Variants in ABCA1 observed in about 807,000 individuals in gnomAD.
ABCA1 encodes phospholipid-transporting ATPase ABCA1.
Under a neutral mutation model 262.5 loss-of-function variants are expected in ABCA1, and 133 were observed. The observed-to-expected ratio is 0.51, with a 90% CI of 0.44 to 0.59. The LOEUF is 0.59. ABCA1 is among the 20% of genes least tolerant of loss of function. The pLI, the probability that ABCA1 is intolerant of heterozygous loss-of-function variation, is 0.00. For synonymous variants in ABCA1, 1,022 were observed against 1,043.5 expected (o/e 0.98, Z 0.40); for missense variants, 2,452 against 2,777.5 (o/e 0.88, Z 2.63).
intron 15 of ABCA1, among the ~76,000 whole-genome samples, chr9:104,828,183 A>G (rs896471186): frequency 5.3e-5 from 8 of 152,076 alleles, no homozygotes; most frequent in African/African-American, 1.4e-4. Flanking sequence ...GGCATCAGCA[A>G]CTCTGGGTTT....
Position 104,785,557 on chromosome 9 carries a change from C to T in ABCA1, c.6484G>A (p.Ala2162Thr), listed in dbSNP as rs1272845813. 6.2e-7 allele frequency: 1 copy of T among 1,613,994 alleles called. No homozygotes were observed. The highest frequency in any genetic ancestry group is 1.3e-5 in the African/African-American group (1 of 74,918). ...TCTTTTAGAACACTTCCAGGAAATG[C>T]AAGTCCAAAGAAATCCTGGACAGGC... is the stretch of plus-strand genomic sequence containing the variant. ...LKPVQDFFGL[A>T]FPGSVLKEKH... The change falls in exon 49 of 50, where the codon GCA becomes ACA. Residue 2162 changes from alanine (A) to threonine (T), a missense_variant. Transcript: ENST00000374736.
intron 27 of ABCA1, among the ~76,000 whole-genome samples, chr9:104,812,958 G>A (rs898762786): frequency 5.3e-5 from 8 of 152,288 alleles, no homozygotes; most frequent in African/African-American, 1.9e-4. Flanking sequence ...AGAAAAGAAA[G>A]GTGTCTTGAG....
chr9:104,860,755 C>CTTTTTTTT (rs762423202), intron 6 of ABCA1, among the ~76,000 whole-genome samples: 7 of 115,836 alleles, frequency 6.0e-5, no homozygotes, highest in African/African-American at 1.4e-4. Flanking sequence ...TTATAAAATT[C>CTTTTTTTT]TTTTTTTTTT....
chr9:104,827,656 C>T (rs975824484), intron 15 of ABCA1, among the ~76,000 whole-genome samples: 11 of 152,188 alleles, frequency 7.2e-5, no homozygotes, highest in African/African-American at 2.2e-4. Flanking sequence ...AGCCTATCTC[C>T]GGCTGATGGG....
Position 104,806,238 on chromosome 9 carries a change from C to G in ABCA1, c.4464+3G>C, listed in dbSNP as rs555560068. The G allele has an allele frequency of 1.4e-5, 23 of 1,612,648 alleles. No individual in the cohort carries two copies. The South Asian group carries it at 2.4e-4, about 17-fold the overall frequency. On this transcript the variant is annotated splice_donor_region_variant and intron_variant, in intron 31 of 49. Coordinates refer to ENST00000374736, the MANE Select transcript of ABCA1 (RefSeq NM_005502.4). ...GCCCAATCACCCCCTGAAAGTGACTCACTTGTGGAGGAGGCAGCCCCCCTG... is the reference window on the plus strand; with the variant it reads ...GCCCAATCACCCCCTGAAAGTGACTGACTTGTGGAGGAGGCAGCCCCCCTG...
At chr9:104,799,210 A>G (rs1413353878) in intron 36 of ABCA1, among the ~76,000 whole-genome samples, 1 of 152,174 alleles carries the variant, frequency 6.6e-6, no homozygotes, top group Non-Finnish European at 1.5e-5. Flanking sequence ...CATGCTCCAC[A>G]TACAGGAAAG....
At chr9:104,913,771 A>C (rs1341743306) in intron 1 of ABCA1, among the ~76,000 whole-genome samples, 1 of 150,284 alleles carries the variant, frequency 6.7e-6, no homozygotes, top group African/African-American at 2.4e-5. Context: ...CCACCTCCCT[A>C]CAAGTTTTTA....
chr9:104,833,665 G>A (rs758824225), intron 11 of ABCA1, among the ~76,000 whole-genome samples: 1 of 152,168 alleles, frequency 6.6e-6, no homozygotes, highest in Non-Finnish European at 1.5e-5. Context: ...GACCCAGTCT[G>A]TTGATCCCAC....
chr9:104,884,286 T>TCA, intron 4 of ABCA1, 141 bp downstream of exon 4: 1 of 1,057,958 alleles, frequency 9.5e-7, no homozygotes, highest in Non-Finnish European at 1.4e-6. Flanking sequence ...CTCCCTTCCC[T>TCA]CATTCTGCAG....
chr9:104,829,115 G>A lies in ABCA1; in HGVS notation c.1916C>T (p.Ser639Leu). Residue 639 changes from serine to leucine, a missense_variant, in exon 15 of 50, where the codon TCA (serine) becomes TTA (leucine). By Grantham distance (145) the Ser-to-Leu change is moderately radical. This residue lies in a region of ABCA1 where 1,032 missense variants were observed against 1,089.7 expected (regional missense o/e 0.95). Coordinates refer to ENST00000374736, the MANE Select transcript of ABCA1 (RefSeq NM_005502.4). ...GGCCAGCGTCATGAAGAGGGGCATTGACCGGCTCATCACCCGCAGAAAGCT... is the reference window on the plus strand; with the variant it reads ...GGCCAGCGTCATGAAGAGGGGCATTAACCGGCTCATCACCCGCAGAAAGCT... ...DDIFLRVMSR[S>L]MPLFMTLAWI... is the part of the protein sequence containing the mutation. 1 of 1,614,164 alleles carries A rather than the reference G, an allele frequency of 6.2e-7. No homozygotes were observed. The highest frequency in any genetic ancestry group is 8.5e-7 in the Non-Finnish European group (1 of 1,180,044).
rs915118189 is a variant in ABCA1, at chr9:104,826,028, G to C, written c.2338-141C>G. On this transcript the variant is annotated intron_variant, in intron 16 of 49. Coordinates refer to ENST00000374736, the MANE Select transcript of ABCA1 (RefSeq NM_005502.4). ...GGTGCAGAAGTAGTATTTACCTATA[G>C]AGTCCCTTTAGGGGAGTGGTGGGCT... The C allele has an allele frequency of 1.9e-5, 16 of 849,240 alleles. No homozygotes were observed. The African/African-American group carries it at 2.4e-4, about 13-fold the overall frequency. 52.6% of individuals were successfully genotyped at this position (849,240 alleles called of 1,614,324 possible).
chr9:104,799,524 AAAC>A (rs760234252), intron 36 of ABCA1: 200 of 982,248 alleles, frequency 2.0e-4, no homozygotes, highest in Non-Finnish European at 2.2e-4. Context: ...CAAACTGATT[AAAC>A]ACTTATAATT....
intron 13 of ABCA1, among the ~76,000 whole-genome samples, 166 bp downstream of exon 13, chr9:104,831,456 C>T (rs1253158134): frequency 6.6e-6 from 1 of 152,138 alleles, no homozygotes; most frequent in Non-Finnish European, 1.5e-5. Flanking sequence ...AACCTTCCAG[C>T]AAGTCATGTA....
chr9:104,908,508 A>T (rs1009523330), intron 1 of ABCA1, among the ~76,000 whole-genome samples: 3 of 152,262 alleles, frequency 2.0e-5, no homozygotes, highest in South Asian at 4.1e-4. Flanking sequence ...CTCTACTAAA[A>T]ATATAAAAAT....
chr9:104,798,683 C>T (rs1830094850), intron 36 of ABCA1, 85 bp from the exon 37 acceptor site: 2 of 1,062,374 alleles, frequency 1.9e-6, no homozygotes, highest in East Asian at 5.1e-5. Context: ...CACAGACAAA[C>T]ACACACGTAC....
Position 104,817,440 on chromosome 9 carries a change from A to T in ABCA1, c.3463-36T>A, listed in dbSNP as rs1480497650. On this transcript the variant is annotated intron_variant, in intron 23 of 49. Transcript: ENST00000374736. This position sits in a 1 kb window ranked among gnomAD's most constrained non-coding sequence, Gnocchi z 4.7. ...AGAAGGAGGTGAGAACGGGTCAGGG[A>T]CGGAGCAAGGCAGAGCCACCAGCAC... 1.9e-6 allele frequency: 3 copies of T among 1,612,280 alleles called. No homozygotes were observed. Among genetic ancestry groups the T allele is most frequent in the Non-Finnish European group, 2.5e-6 (3 of 1,178,518 alleles).
intron 2 of ABCA1, among the ~76,000 whole-genome samples, chr9:104,896,938 C>T (rs906075738): frequency 3.3e-5 from 5 of 151,510 alleles, no homozygotes; most frequent in African/African-American, 1.2e-4. Flanking sequence ...CTATGCTGCC[C>T]AGGCTGGTGT....
intron 41 of ABCA1, 64 bp downstream of exon 41, chr9:104,793,107 T>C (rs766858905): frequency 6.2e-7 from 1 of 1,607,842 alleles, no homozygotes; most frequent in African/African-American, 1.3e-5. Context: ...TGGTGAGTGT[T>C]TCCCTGTGCG....
Position 104,819,726 on chromosome 9 carries a change from A to G in ABCA1, c.3104-3T>C, listed in dbSNP as rs1832126447. On this transcript the variant is annotated splice_region_variant and splice_polypyrimidine_tract_variant and intron_variant, in intron 21 of 49. Coordinates refer to ENST00000374736, the MANE Select transcript of ABCA1 (RefSeq NM_005502.4). ...AGATAGCTTTCTCTGCATTCCACCTACAAAAAAACAGAGCAAGACAAACTC... is the reference window on the plus strand; with the variant it reads ...AGATAGCTTTCTCTGCATTCCACCTGCAAAAAAACAGAGCAAGACAAACTC... 2 of 1,614,150 alleles carry G rather than the reference A, an allele frequency of 1.2e-6. No homozygotes were observed. The highest frequency in any genetic ancestry group is 4.5e-5 in the East Asian group (2 of 44,872).
Sources: gnomAD v4.1 joint callset for allele counts (sites outside exome capture counted in the v4.1 genomes callset) on GRCh38, gnomAD v4.1.1 for gene constraint, gnomAD v4.1.1 regional missense constraint, Gnocchi (gnomAD v3.1) non-coding constraint, MANE v1.5 for transcripts, NCBI Gene and HGNC (gene_info 2026-07-23, HGNC 2026-07-21) for gene names.